The following PAGE1 variants were observed in gnomAD, a reference collection of about 807,000 sequenced individuals.
PAGE1 encodes the protein P antigen family member 1.
A neutral mutation model predicts 11.5 loss-of-function variants in PAGE1; 6 were observed. The ratio of observed to expected loss-of-function variants is 0.52; its 90% CI spans 0.29 to 1.03. The LOEUF (loss-of-function observed/expected upper bound fraction) is 1.03. Among genes scored for constraint, PAGE1 ranks in the 50% least tolerant of loss-of-function variants. The pLI, the probability that PAGE1 is intolerant of heterozygous loss-of-function variation, is 0.09. For missense variants in PAGE1, 120 were observed against 110.2 expected, an observed-to-expected ratio of 1.09 and a Z score of -0.40; for synonymous variants, 42 against 40.2, an observed-to-expected ratio of 1.05 and a Z score of -0.17.
chrX:49,688,085 A>G (rs1557141224), intron 5 of PAGE1, among the ~76,000 whole-genome samples: 1 of 112,897 alleles, frequency 8.9e-6, no homozygotes, highest in African/African-American at 3.2e-5. Flanking sequence ...CCTACATCCC[A>G]CAGAAAATAG....
rs1436687354 is a variant in PAGE1, at chrX:49,694,166, T to C, written c.99A>G (p.Ser33=). The change falls in exon 3 of 6, where the codon TCA becomes TCG. Residue 33 remains serine, a synonymous_variant. Coordinates refer to ENST00000376150, the MANE Select transcript of PAGE1 (RefSeq NM_003785.4). ...GTGTAGAATCCTGACTTTGAGTTGG[T>C]GATTCCACTTCGTCAGGTTGCTCAT... The part of the protein sequence containing the change: ...SSDEQPDEVE[S]PTQSQDSTPA... 8.4e-7 allele frequency: 1 copy of C among 1,187,393 alleles called. No individual in the cohort carries two copies. Among genetic ancestry groups the C allele is most frequent in the African/African-American group, 1.7e-5 (1 of 57,345 alleles).
rs782244410 is a variant in PAGE1, at chrX:49,687,558, C to T, written c.424G>A (p.Gly142Arg). 8.3e-7 allele frequency: 1 copy of T among 1,203,827 alleles called. No homozygotes were observed. The highest frequency in any genetic ancestry group is 1.8e-5 in the South Asian group (1 of 55,647). The change falls in exon 6 of 6, where the codon GGG becomes AGG. Residue 142 changes from glycine (G) to arginine (R), a missense_variant. Coordinates refer to ENST00000376150, the MANE Select transcript of PAGE1 (RefSeq NM_003785.4). The stretch of plus-strand genomic sequence containing the variant: ...GTCTTCTTTTAAGGCTGTGATTGCC[C>T]TTCATCTGTAACAGAAACATAACTG... Reference protein sequence around the residue: ...EEVKTPEEDEGQSQP With the variant: ...EEVKTPEEDERQSQP
At chrX:49,691,981 A>G (rs1419427280) in intron 3 of PAGE1, among the ~76,000 whole-genome samples, 1 of 110,814 alleles carries the variant, frequency 9.0e-6, no homozygotes, top group Non-Finnish European at 1.9e-5. Context: ...TGCTAAAAAT[A>G]CAAAAGAAAA....
At chrX:49,690,306 G>A (rs1352242417) in intron 4 of PAGE1, among the ~76,000 whole-genome samples, 1 of 107,757 alleles carries the variant, frequency 9.3e-6, no homozygotes, top group Non-Finnish European at 1.9e-5. Flanking sequence ...GCAGAAAACA[G>A]GAAAACAGGG....
chrX:49,689,456 C>T lies in PAGE1; in HGVS notation c.380G>A (p.Gly127Asp). Residue 127 changes from glycine (G) to aspartate (D), a missense_variant, in exon 5 of 6, where the codon GGC becomes GAC. Gly to Asp is a moderately conservative substitution (Grantham distance 94). Coordinates refer to ENST00000376150, the MANE Select transcript of PAGE1 (RefSeq NM_003785.4). The part of the protein sequence containing the change: ...RGDGPDVQEL[G>D]LPNPEEVKTP... ...TTTCACCTCCTCTGGATTTGGCAGGCCCAACTCCTGGACATCAGGACCATC... is the reference window on the plus strand; with the variant it reads ...TTTCACCTCCTCTGGATTTGGCAGGTCCAACTCCTGGACATCAGGACCATC... 2.7e-6 allele frequency: 3 copies of T among 1,093,930 alleles called. No individual in the cohort carries two copies. Among genetic ancestry groups the T allele is most frequent in the Non-Finnish European group, 3.6e-6 (3 of 830,249 alleles). 90.2% of individuals were successfully genotyped at this position (1,093,930 alleles called of 1,213,427 possible). A position where few individuals can be genotyped will look rare whatever the true frequency, so the allele number is the denominator to read the frequency against.
chrX:49,690,134 C>CGTGT (rs2066914826), intron 4 of PAGE1, among the ~76,000 whole-genome samples: 1 of 77,773 alleles, frequency 1.3e-5, no homozygotes, highest in Non-Finnish European at 2.4e-5. Context: ...TATATATACA[C>CGTGT]ATATATATGT....
At chrX:49,687,767 C>T (rs1009573544) in intron 5 of PAGE1, among the ~76,000 whole-genome samples, 5 of 112,519 alleles carry the variant, frequency 4.4e-5, no homozygotes, top group Non-Finnish European at 7.5e-5. Flanking sequence ...GTAATTAATT[C>T]CGTAAACATC....
chrX:49,688,696 C>T (rs2066892506), intron 5 of PAGE1, among the ~76,000 whole-genome samples: 1 of 111,534 alleles, frequency 9.0e-6, no homozygotes, highest in African/African-American at 3.3e-5. Flanking sequence ...TTTTATAAGA[C>T]CAAAGATAGG....
At chrX:49,688,568 T>G (rs781868207) in intron 5 of PAGE1, among the ~76,000 whole-genome samples, 1 of 112,099 alleles carries the variant, frequency 8.9e-6, no homozygotes, top group East Asian at 2.8e-4. Flanking sequence ...TGATTTATGA[T>G]AAATAAATCA....
intron 3 of PAGE1, among the ~76,000 whole-genome samples, chrX:49,691,930 A>G (rs2066921964): frequency 1.8e-5 from 2 of 111,781 alleles, no homozygotes; most frequent in South Asian, 7.6e-4. Context: ...TGAGGTCAGG[A>G]GTTAGAGACC....
At chrX:49,692,783 A>ATTATTTATTTAT (rs781833593) in intron 3 of PAGE1, among the ~76,000 whole-genome samples, 35 of 109,638 alleles carry the variant, frequency 3.2e-4, no homozygotes, top group African/African-American at 9.7e-4. Flanking sequence ...CGAAACATTT[A>ATTATTTATTTAT]TTATTTATTT....
rs2066919892 is a variant in PAGE1, at chrX:49,691,345, G to T, written c.196C>A (p.Leu66Met). The stretch of plus-strand genomic sequence containing the variant: ...TCACACCCAGTCTTTGGCTGAACCA[G>T]TTCCTGGCTATCAGCTTCAGGCTCC... ...GQEPEADSQE[L>M]VQPKTGCELG... Residue 66 changes from leucine to methionine, a missense_variant, in exon 4 of 6, where the codon CTG (leucine) becomes ATG (methionine). By Grantham distance (15) the Leu-to-Met change is conservative. Coordinates refer to ENST00000376150, the MANE Select transcript of PAGE1 (RefSeq NM_003785.4). The T allele has an allele frequency of 8.3e-7, 1 of 1,205,200 alleles. No individual in the cohort carries two copies. The highest frequency in any genetic ancestry group is 1.1e-6 in the Non-Finnish European group (1 of 892,226).
chrX:49,689,760 A>G (rs1424931476), intron 4 of PAGE1, among the ~76,000 whole-genome samples: 2 of 64,722 alleles, frequency 3.1e-5, no homozygotes, highest in African/African-American at 6.3e-5. Context: ...GTGTATATAT[A>G]CATATATATG....
intron 4 of PAGE1, 64 bp from the exon 5 acceptor site, chrX:49,689,607 T>TATATATATATAC (rs1569533414): frequency 2.6e-5 from 2 of 78,048 alleles, no homozygotes; most frequent in Non-Finnish European, 4.0e-5. Flanking sequence ...TATATATATA[T>TATATATATATAC]ATATACATAT....
At chrX:49,691,122 G>T in intron 4 of PAGE1, 127 bp downstream of exon 4, 1 of 621,898 alleles carries the variant, frequency 1.6e-6, no homozygotes, top group Non-Finnish European at 2.4e-6. Context: ...ATGTTGCAGT[G>T]AGCCAAGATT....
In PAGE1 at chrX:49,689,526, C is replaced by A; in HGVS notation, c.310G>T (p.Asp104Tyr). Residue 104 changes from aspartate (D) to tyrosine (Y), a missense_variant, in exon 5 of 6, where the codon GAT becomes TAT. Coordinates refer to ENST00000376150, the MANE Select transcript of PAGE1 (RefSeq NM_003785.4). ...TTCGGGTGAACCTGTTCCTGGCTAT[C>A]CGCTTCAGGCTCTGGCCCTTAAAAA... ...LPAEGPEPEA[D>Y]SQEQVHPKTG... The A allele has an allele frequency of 1.3e-6, 1 of 771,889 alleles. No homozygotes were observed. The allele number at this position is 771,889 out of a possible 1,213,427, so 63.6% of individuals were successfully genotyped here.
chrX:49,695,400 C>A (rs1450988680), intron 1 of PAGE1, among the ~76,000 whole-genome samples: 2 of 111,463 alleles, frequency 1.8e-5, no homozygotes, highest in African/African-American at 6.5e-5. Flanking sequence ...TCGGGTGTTT[C>A]TCACTCGGGC....
At position 49,689,927 on chromosome X, in the gene PAGE1, G is replaced by T. The variant is rs1164813569; in HGVS notation, c.293-384C>A. ...ATATGTGTATATACACACATATATA[G>T]GGTGTATATATATGTGTGTATATAC... On this transcript the variant is annotated intron_variant, in intron 4 of 5. Transcript: ENST00000376150. Among the ~76,000 whole-genome samples the T allele has an allele frequency of 9.9e-3, 7 of 704 alleles. 3 individuals carry two copies. Among genetic ancestry groups the T allele is most frequent in the African/African-American group, 0.034 (5 of 148 alleles). 0.6% of individuals were successfully genotyped at this position (704 alleles called of 115,157 possible).
rs1557142575 is a variant in PAGE1, at chrX:49,694,217, A to G, written c.64-16T>C. Reference sequence around the variant, plus strand: ...CACTGGACTCCTTGTGGTAGGGAATATGTGTGTGAGTGTGCAAAGACAAAA... The same window carrying G: ...CACTGGACTCCTTGTGGTAGGGAATGTGTGTGTGAGTGTGCAAAGACAAAA... On this transcript the variant is annotated splice_polypyrimidine_tract_variant and intron_variant, in intron 2 of 5. Transcript: ENST00000376150. 1.9e-6 allele frequency: 2 copies of G among 1,045,553 alleles called. No homozygotes were observed. The highest frequency in any genetic ancestry group is 3.7e-5 in the African/African-American group (2 of 54,458). The allele number at this position is 1,045,553 out of a possible 1,213,427, so 86.2% of individuals were successfully genotyped here. A position where few individuals can be genotyped will look rare whatever the true frequency, so the allele number is the denominator to read the frequency against.
Sources: gnomAD v4.1 joint callset for allele counts (sites outside exome capture counted in the v4.1 genomes callset) on GRCh38, gnomAD v4.1.1 for gene constraint, MANE v1.5 for transcripts, NCBI Gene and HGNC (gene_info 2026-07-23, HGNC 2026-07-21) for gene names.